Variants in HDAC4 observed in about 807,000 individuals in gnomAD.
HDAC4 encodes the protein histone deacetylase A.
Under a neutral mutation model 135.1 loss-of-function variants are expected in HDAC4, and 16 were observed. That is an observed-to-expected ratio of 0.12 (90% CI 0.08 to 0.18). The LOEUF (loss-of-function observed/expected upper bound fraction) is 0.18. HDAC4 is among the 10% of genes least tolerant of loss of function. The probability of loss-of-function intolerance (pLI) is 1.00; values close to 1 mark genes in which losing one functional copy is unlikely to be tolerated. For missense variants in HDAC4, 1,143 were observed against 1,511.8 expected (o/e 0.76, Z 4.05); for synonymous variants, 685 against 653.4 (o/e 1.05, Z -0.74).
intron 2 of HDAC4, among the ~76,000 whole-genome samples, chr2:239,301,208 G>T (rs1327754787): frequency 6.6e-6 from 1 of 152,190 alleles, no homozygotes; most frequent in Non-Finnish European, 1.5e-5. Flanking sequence ...CTGGAAGGGG[G>T]TATCTCCCTC....
chr2:239,144,068 T>G (rs1365233339), intron 8 of HDAC4, among the ~76,000 whole-genome samples: 2 of 152,044 alleles, frequency 1.3e-5, no homozygotes, highest in African/African-American at 2.4e-5. Flanking sequence ...CACCACTAGA[T>G]GGGGCCAACC....
chr2:239,243,382 G>C (rs1228993194), intron 2 of HDAC4, among the ~76,000 whole-genome samples: 1 of 152,146 alleles, frequency 6.6e-6, no homozygotes, highest in African/African-American at 2.4e-5. Context: ...TCGATCTCCT[G>C]ACCTTGTGAT....
intron 2 of HDAC4, among the ~76,000 whole-genome samples, chr2:239,261,771 G>C (rs55784605): frequency 0.17 from 26,556 of 152,160 alleles, 2,489 homozygotes; most frequent in African/African-American, 0.2. Context: ...TCCACTCTTA[G>C]AAGGCGAGGT....
chr2:239,202,664 G>A (rs946494201), intron 3 of HDAC4, among the ~76,000 whole-genome samples: 2 of 152,124 alleles, frequency 1.3e-5, no homozygotes, highest in African/African-American at 2.4e-5. Flanking sequence ...GAGGGGCGGT[G>A]GCAGGGCCAT....
intron 2 of HDAC4, among the ~76,000 whole-genome samples, chr2:239,278,721 C>A (rs769363407): frequency 2.0e-5 from 3 of 152,174 alleles, no homozygotes; most frequent in Admixed American, 6.5e-5. Context: ...AATAAGTGGC[C>A]GAAGGCTGTG....
Position 239,189,977 on chromosome 2 carries a change from G to A in HDAC4, c.195C>T (p.Ala65=). Residue 65 remains alanine, a synonymous_variant, in exon 4 of 27, where the codon GCC becomes GCT. Transcript: ENST00000543185. Reference sequence around the variant, plus strand: ...CCTGCTGCAGCTGCTGCTCCCGCAGGGCCGGCTCTGCCACAGGCAGTGAGA... The same window carrying A: ...CCTGCTGCAGCTGCTGCTCCCGCAGAGCCGGCTCTGCCACAGGCAGTGAGA... ...HQFSLPVAEP[A]LREQQLQQEL... 1 of 1,607,684 alleles carries A rather than the reference G, an allele frequency of 6.2e-7. No homozygotes were observed. Among genetic ancestry groups the A allele is most frequent in the African/African-American group, 1.3e-5 (1 of 74,996 alleles).
Position 239,118,226 on chromosome 2 carries a change from T to C in HDAC4, c.1534-2916A>G, listed in dbSNP as rs1043215300. ...TGATTGATCATCCCTTAACTTTCTT[T>C]CTAAGAGCAGTTTAAAGTACGGCAG... On this transcript the variant is annotated intron_variant, in intron 12 of 26. Coordinates refer to ENST00000543185, the MANE Select transcript of HDAC4 (RefSeq NM_001378414.1). 3.3e-5 allele frequency among the ~76,000 whole-genome samples: 5 copies of C among 150,848 alleles called. 1 individual carries two copies. In the Admixed American group the frequency reaches 3.4e-4, roughly 10 times the overall value.
At chr2:239,278,384 A>G (rs2050514323) in intron 2 of HDAC4, among the ~76,000 whole-genome samples, 1 of 152,246 alleles carries the variant, frequency 6.6e-6, no homozygotes, top group Non-Finnish European at 1.5e-5. Context: ...AAAATGTAAA[A>G]ACATATTTTG....
intron 3 of HDAC4, among the ~76,000 whole-genome samples, chr2:239,207,646 G>A (rs892082935): frequency 2.0e-5 from 3 of 152,116 alleles, no homozygotes; most frequent in African/African-American, 2.4e-5. Context: ...CACATTTCTA[G>A]AAAAACATTC....
Position 239,163,918 on chromosome 2 carries a change from C to G in HDAC4, c.496G>C (p.Val166Leu), listed in dbSNP as rs754022842. ...TTCATCTTCACTTCTGTGCTGGCCA[C>G]GGCACCTGGCGTGGGAGAAAGCATA... ...KNKEKGKESA[V>L]ASTEVKMKLQ... The change falls in exon 6 of 27, where the codon GTG (valine) becomes CTG (leucine). Residue 166 changes from valine (V) to leucine (L), a missense_variant. Around this residue, in one of 9 missense-constraint regions of HDAC4, gnomAD observed 247 missense variants for 310.0 expected, o/e 0.80. Coordinates refer to ENST00000543185, the MANE Select transcript of HDAC4 (RefSeq NM_001378414.1). The G allele has an allele frequency of 1.2e-6, 2 of 1,614,042 alleles. No individual in the cohort carries two copies. The highest frequency in any genetic ancestry group is 1.7e-6 in the Non-Finnish European group (2 of 1,180,014).
At chr2:239,365,872 G>A (rs147260183) in intron 1 of HDAC4, among the ~76,000 whole-genome samples, 14 of 151,744 alleles carry the variant, frequency 9.2e-5, no homozygotes, top group East Asian at 3.9e-4. Context: ...GGTCACACGC[G>A]TGGCACTGGG....
Position 239,258,402 on chromosome 2 carries a change from G to A in HDAC4, c.23-21738C>T, listed in dbSNP as rs182548752. On this transcript the variant is annotated intron_variant, in intron 2 of 26. Coordinates refer to ENST00000543185, the MANE Select transcript of HDAC4 (RefSeq NM_001378414.1). ...AGGGAAAATTGCTGAAAACAAAAAC[G>A]GCCGTGGAGGGGGAGGGGGGATTAC... Among the ~76,000 whole-genome samples the A allele has an allele frequency of 3.3e-5, 5 of 152,208 alleles. No individual in the cohort carries two copies. In the East Asian group the frequency reaches 9.6e-4, roughly 29 times the overall value.
intron 2 of HDAC4, among the ~76,000 whole-genome samples, chr2:239,339,093 C>A (rs1364084874): frequency 6.6e-6 from 1 of 152,208 alleles, no homozygotes; most frequent in African/African-American, 2.4e-5. Flanking sequence ...GTTATATTGA[C>A]AAGTAATTTT....
chr2:239,094,688 A>G, intron 17 of HDAC4: 2 of 1,223,806 alleles, frequency 1.6e-6, no homozygotes, highest in South Asian at 3.2e-5. Flanking sequence ...TCGTGGCCTG[A>G]TGTGAGCAGA....
chr2:239,213,801 G>A (rs556373248), intron 3 of HDAC4, among the ~76,000 whole-genome samples: 30 of 152,382 alleles, frequency 2.0e-4, no homozygotes, highest in African/African-American at 7.2e-4. Flanking sequence ...TCCCTGGAGC[G>A]CTTGCAGTGC....
intron 2 of HDAC4, among the ~76,000 whole-genome samples, chr2:239,300,722 T>C (rs929748421): frequency 3.9e-5 from 6 of 152,360 alleles, no homozygotes; most frequent in Admixed American, 1.3e-4. Flanking sequence ...CCCCAGGAGC[T>C]GTAAAAACAC....
At chr2:239,184,789 G>A (rs111901048) in intron 4 of HDAC4, among the ~76,000 whole-genome samples, 1 of 61,220 alleles carries the variant, frequency 1.6e-5, no homozygotes, top group Non-Finnish European at 3.4e-5. Flanking sequence ...TGGAGGATGT[G>A]TCCTATGGGG....
At chr2:239,164,102 T>G (rs2042985841) in intron 5 of HDAC4, among the ~76,000 whole-genome samples, 179 bp from the exon 6 acceptor site, 1 of 152,086 alleles carries the variant, frequency 6.6e-6, no homozygotes, top group African/African-American at 2.4e-5. Flanking sequence ...TAATGAGAGG[T>G]TTTCTTCCCA....
intron 3 of HDAC4, chr2:239,190,939 G>A (rs1230926984): frequency 6.4e-6 from 3 of 467,040 alleles, no homozygotes; most frequent in East Asian, 1.4e-4. Context: ...TTTACGGCAG[G>A]TCCCTATTCT....
Sources: allele counts gnomAD v4.1 joint callset (sites outside exome capture counted in the v4.1 genomes callset), GRCh38; gene constraint gnomAD v4.1.1; regional missense constraint gnomAD v4.1.1; transcripts MANE v1.5; gene names NCBI Gene and HGNC (gene_info 2026-07-23, HGNC 2026-07-21).